The following KIF5B variants were observed in gnomAD, a reference collection of about 807,000 sequenced individuals.
KIF5B encodes kinesin family member 5B, also known as kinesin-1 heavy chain.
Under a neutral mutation model 132.8 loss-of-function variants are expected in KIF5B, and 49 were observed. The observed-to-expected ratio is 0.37, with a 90% CI of 0.29 to 0.47. KIF5B has a LOEUF of 0.47. Among genes scored for constraint, KIF5B ranks in the 20% least tolerant of loss-of-function variants. The pLI, the probability that KIF5B is intolerant of heterozygous loss-of-function variation, is 1.00. For synonymous variants in KIF5B, 355 were observed against 369.4 expected (o/e 0.96, Z 0.45); for missense variants, 780 against 1,144.0 (o/e 0.68, Z 4.59).
At chr10:32,026,030 T>C (rs965348426) in intron 15 of KIF5B, among the ~76,000 whole-genome samples, 6 of 152,188 alleles carry the variant, frequency 3.9e-5, no homozygotes, top group African/African-American at 1.4e-4. Context: ...GGAACTATTC[T>C]AAATACCGGA....
At chr10:32,011,837 C>T (rs969410029) in intron 25 of KIF5B, among the ~76,000 whole-genome samples, 3 of 151,650 alleles carry the variant, frequency 2.0e-5, no homozygotes, top group South Asian at 4.2e-4. Context: ...AAGAAAAAGA[C>T]GGCTAATCTT....
At chr10:32,020,714 T>TGC (rs1232800227) in intron 19 of KIF5B, among the ~76,000 whole-genome samples, 1 of 152,192 alleles carries the variant, frequency 6.6e-6, no homozygotes, top group African/African-American at 2.4e-5. Context: ...CATCAGCCAC[T>TGC]GCACCCAGCC....
rs1417451367 is a variant in KIF5B at position 32,028,591 on chromosome 10, A to T, written c.1582-20T>A. 2.5e-6 allele frequency: 4 copies of T among 1,598,466 alleles called. No homozygotes were observed. Among genetic ancestry groups the T allele is most frequent in the Non-Finnish European group, 3.4e-6 (4 of 1,172,012 alleles). ...AGTTGCCTAAGAGAACCCAAAACAA[A>T]AAGTATAGTTAAATCTACTACATGA... is the stretch of plus-strand genomic sequence containing the variant. On this transcript the variant is annotated intron_variant, in intron 14 of 25. Coordinates refer to ENST00000302418, the MANE Select transcript of KIF5B (RefSeq NM_004521.3).
At chr10:32,048,421 T>C (rs748148175) in intron 2 of KIF5B, 43 bp downstream of exon 2, 10 of 1,317,236 alleles carry the variant, frequency 7.6e-6, no homozygotes, top group Non-Finnish European at 1.1e-5. Flanking sequence ...CACAAACTTA[T>C]TTACTTATTG....
intron 5 of KIF5B, 70 bp downstream of exon 5, chr10:32,038,708 G>A: frequency 1.1e-6 from 1 of 900,366 alleles, no homozygotes. Context: ...CAAAGAAATA[G>A]TCTCACATCT....
chr10:32,051,968 G>A (rs958149545), intron 1 of KIF5B, among the ~76,000 whole-genome samples: 13 of 152,136 alleles, frequency 8.5e-5, no homozygotes, highest in African/African-American at 2.9e-4. Context: ...GATCCCCCAA[G>A]TTTCAGATTT....
chr10:32,018,600 A>T (rs778356187), intron 20 of KIF5B, 38 bp from the exon 21 acceptor site: 28 of 1,328,956 alleles, frequency 2.1e-5, no homozygotes, highest in East Asian at 2.6e-5. Context: ...TTCAAATTTT[A>T]TTCTGTATAT....
chr10:32,036,809 G>A (rs1841465649), intron 8 of KIF5B, among the ~76,000 whole-genome samples: 1 of 152,096 alleles, frequency 6.6e-6, no homozygotes, highest in African/African-American at 2.4e-5. Context: ...ATATAGACTA[G>A]AATCAGACTG....
At chr10:32,048,581 C>G in intron 1 of KIF5B, 30 bp from the exon 2 acceptor site, 1 of 1,507,516 alleles carries the variant, frequency 6.6e-7, no homozygotes, top group Non-Finnish European at 9.2e-7. Context: ...TTCAACTATA[C>G]AAATTAAAGG....
intron 20 of KIF5B, among the ~76,000 whole-genome samples, chr10:32,019,183 T>TA (rs1841223814): frequency 6.6e-6 from 1 of 152,266 alleles, no homozygotes; most frequent in Non-Finnish European, 1.5e-5. Flanking sequence ...TGATTAATTA[T>TA]AGATTATAAA....
chr10:32,036,804 G>A (rs1388541476), intron 8 of KIF5B, among the ~76,000 whole-genome samples: 1 of 152,160 alleles, frequency 6.6e-6, no homozygotes, highest in African/African-American at 2.4e-5. Context: ...ATTTGATATA[G>A]ACTAGAATCA....
Position 32,030,993 on chromosome 10 carries a change from AAAGT to A in KIF5B, c.1581+76_1581+79del, listed in dbSNP as rs1841396561. 1.5e-5 allele frequency: 15 copies of A among 975,084 alleles called. No homozygotes were observed. In the South Asian group the frequency reaches 2.0e-4, roughly 13 times the overall value. 60.4% of individuals were successfully genotyped at this position (975,084 alleles called of 1,614,324 possible). ...GTTATCGATATTTGACTTACATAGA[AAAGT>A]AAGTTATTTAAGTAGTTTTTAGGTT... is the stretch of plus-strand genomic sequence containing the variant. On this transcript the variant is annotated intron_variant, in intron 14 of 25. Transcript: ENST00000302418.
intron 15 of KIF5B, among the ~76,000 whole-genome samples, chr10:32,024,879 C>G (rs1841314769): frequency 6.6e-6 from 1 of 152,088 alleles, no homozygotes; most frequent in Non-Finnish European, 1.5e-5. Context: ...GAGTTCGAAA[C>G]CAGCCTGGAC....
intron 17 of KIF5B, among the ~76,000 whole-genome samples, chr10:32,021,590 G>GACACAC (rs3029348): frequency 4.0e-5 from 6 of 148,392 alleles, no homozygotes; most frequent in Admixed American, 1.3e-4. Context: ...CCTATGTTAA[G>GACACAC]ACACACACAC....
In KIF5B at chr10:32,022,952, T is replaced by C. The variant is rs1841285187; in HGVS notation, c.1810A>G (p.Met604Val). The C allele has an allele frequency of 6.2e-7, 1 of 1,613,564 alleles. No homozygotes were observed. Among genetic ancestry groups the C allele is most frequent in the Non-Finnish European group, 8.5e-7 (1 of 1,179,578 alleles). ...ISKMKSEVKT[M>V]VKRCKQLEST... ...TCTAACTGCTTGCAACGTTTCACCA[T>C]GGTTTTTACTTCTGACTTCATTTTG... Residue 604 changes from methionine to valine, a missense_variant, in exon 16 of 26, where the codon ATG (methionine) becomes GTG (valine). By Grantham distance (21) the Met-to-Val change is conservative. Around this residue, in one of 9 missense-constraint regions of KIF5B, gnomAD observed 471 missense variants for 569.9 expected, o/e 0.83. Coordinates refer to ENST00000302418, the MANE Select transcript of KIF5B (RefSeq NM_004521.3).
Position 32,034,000 on chromosome 10 carries a change from T to C in KIF5B, c.1150A>G (p.Lys384Glu). Residue 384 changes from lysine to glutamate, a missense_variant, in exon 12 of 26, where the codon AAA (lysine) becomes GAA (glutamate). Physicochemically the swap from Lys to Glu is moderately conservative, Grantham distance 56. This residue lies in a region of KIF5B where 471 missense variants were observed against 569.9 expected (regional missense o/e 0.83). Coordinates refer to ENST00000302418, the MANE Select transcript of KIF5B (RefSeq NM_004521.3). ...VPIDEQFDKE[K>E]ANLEAFTVDK... ...ACTGTGAAAGCTTCCAAGTTGGCTT[T>C]CTCTTTGTCAAACTGTTCATCAATA... The C allele has an allele frequency of 6.2e-7, 1 of 1,601,274 alleles. No individual in the cohort carries two copies. The highest frequency in any genetic ancestry group is 2.3e-5 in the East Asian group (1 of 44,102).
intron 8 of KIF5B, among the ~76,000 whole-genome samples, chr10:32,036,361 A>G (rs998881105): frequency 7.2e-5 from 11 of 152,242 alleles, no homozygotes; most frequent in Non-Finnish European, 1.6e-4. Context: ...AGTTTTAAAC[A>G]CATTATATAA....
intron 15 of KIF5B, 35 bp downstream of exon 15, chr10:32,028,393 G>C: frequency 6.4e-7 from 1 of 1,551,274 alleles, no homozygotes; most frequent in Non-Finnish European, 8.9e-7. Flanking sequence ...AGTGTATACA[G>C]ATAATTGTCC....
rs1265361885 is a variant in KIF5B, at chr10:32,022,933, T to C, written c.1829A>G (p.Gln610Arg). Residue 610 changes from glutamine (Q) to arginine (R), a missense_variant, in exon 16 of 26, where the codon CAG (glutamine) becomes CGG (arginine). Gln to Arg is a conservative substitution (Grantham distance 43). Transcript: ENST00000302418. ...EVKTMVKRCK[Q>R]LESTQTESNK... ...GCTCTCAGTTTGTGTGCTTTCTAAC[T>C]GCTTGCAACGTTTCACCATGGTTTT... is the stretch of plus-strand genomic sequence containing the variant. The C allele has an allele frequency of 2.5e-6, 4 of 1,613,532 alleles. No homozygotes were observed. The highest frequency in any genetic ancestry group is 1.7e-5 in the Admixed American group (1 of 60,004).
Sources: allele counts gnomAD v4.1 joint callset (sites outside exome capture counted in the v4.1 genomes callset), GRCh38; gene constraint gnomAD v4.1.1; regional missense constraint gnomAD v4.1.1; transcripts MANE v1.5; gene names NCBI Gene and HGNC (gene_info 2026-07-23, HGNC 2026-07-21).